The following AOPEP variants were observed in gnomAD, a reference collection of about 807,000 sequenced individuals.
AOPEP encodes the protein aminopeptidase O (putative).
Under a neutral mutation model 98.1 loss-of-function variants are expected in AOPEP, and 77 were observed. The ratio of observed to expected loss-of-function variants is 0.78; its 90% CI spans 0.65 to 0.95. The LOEUF (loss-of-function observed/expected upper bound fraction) is 0.95, where lower values mean the gene tolerates loss of function less well. Ranked by LOEUF, AOPEP falls within the 40% of genes least tolerant of loss-of-function variation. The pLI is 0.00. For missense variants in AOPEP, 1,024 were observed against 1,024.7 expected, an observed-to-expected ratio of 1.00 and a Z score of 0.01; for synonymous variants, 346 against 365.3, an observed-to-expected ratio of 0.95 and a Z score of 0.60.
At chr9:94,879,983 A>G (rs2047379069) in intron 5 of AOPEP, among the ~76,000 whole-genome samples, 1 of 152,224 alleles carries the variant, frequency 6.6e-6, no homozygotes, top group Admixed American at 6.5e-5. Flanking sequence ...TTAACATTGA[A>G]TTTACATTTT....
chr9:95,081,719 C>A (rs981907261), intron 15 of AOPEP, among the ~76,000 whole-genome samples: 2 of 152,174 alleles, frequency 1.3e-5, no homozygotes, highest in Admixed American at 6.5e-5. Flanking sequence ...GACCAGAATT[C>A]ACTGCAGTAT....
Position 94,792,800 on chromosome 9 carries a change from A to G in AOPEP, c.1000A>G (p.Met334Val), listed in dbSNP as rs776783308. Reference sequence around the variant, plus strand: ...CTGGTATTACTATGTAACTATGCCAATGCCAGCCTCCACCTTCACAATTGC... The same window carrying G: ...CTGGTATTACTATGTAACTATGCCAGTGCCAGCCTCCACCTTCACAATTGC... ...SSWYYYVTMPMPASTFTIAVG... is the reference protein window; with the variant it reads ...SSWYYYVTMPVPASTFTIAVG... Residue 334 changes from methionine to valine, a missense_variant, in exon 4 of 17, where the codon ATG becomes GTG. Met to Val is a conservative substitution (Grantham distance 21, BLOSUM62 1). This residue lies in a region of AOPEP where 440 missense variants were observed against 433.8 expected (regional missense o/e 1.01). Coordinates refer to ENST00000375315, the MANE Select transcript of AOPEP (RefSeq NM_001193329.3). The G allele has an allele frequency of 2.1e-5, 34 of 1,613,238 alleles. No individual in the cohort carries two copies. The highest frequency in any genetic ancestry group is 2.9e-5 in the Non-Finnish European group (34 of 1,179,588).
At chr9:95,066,855 T>C (rs1048367593) in intron 14 of AOPEP, among the ~76,000 whole-genome samples, 7 of 152,234 alleles carry the variant, frequency 4.6e-5, no homozygotes, top group Admixed American at 2.6e-4. Flanking sequence ...GTGGAATTAA[T>C]GCATTGGACT....
intron 5 of AOPEP, among the ~76,000 whole-genome samples, chr9:94,820,474 T>C (rs7862700): frequency 0.79 from 119,846 of 152,104 alleles, 48,499 homozygotes; most frequent in Non-Finnish European, 0.89. Flanking sequence ...CTAGATATAA[T>C]ATTAGGCCTT....
the AOPEP span, among the ~76,000 whole-genome samples, chr9:95,108,367 C>G: frequency 1.3e-5 from 2 of 152,224 alleles, no homozygotes; most frequent in East Asian, 3.9e-4. Context: ...TACGGGAGCC[C>G]AAGGCCATTC....
intron 7 of AOPEP, among the ~76,000 whole-genome samples, chr9:94,935,778 C>T (rs2056174135): frequency 6.6e-6 from 1 of 152,212 alleles, no homozygotes; most frequent in Non-Finnish European, 1.5e-5. Context: ...CCAGCAGCCC[C>T]ACTCTCTCTA....
intron 5 of AOPEP, among the ~76,000 whole-genome samples, chr9:94,923,389 T>C (rs1230386305): frequency 1.3e-5 from 2 of 152,208 alleles, no homozygotes; most frequent in Non-Finnish European, 1.5e-5. Flanking sequence ...CTTGCAGATA[T>C]GATGGAAAAG....
rs867602335 is a variant in AOPEP, at chr9:95,082,634, GCT to G, written c.2381_2382del (p.Leu794ArgfsTer3). 3 of 1,614,122 alleles carry G rather than the reference GCT, an allele frequency of 1.9e-6. No individual in the cohort carries two copies. The African/African-American group carries it at 4.0e-5, about 22-fold the overall frequency. ...MVSEDARQQQ[L>X]ARRCFERTKE... ...TGAGTGAGGACGCCAGACAGCAGCA[GCT>G]CGCCCGTAGGTGCTTCGAGCGGACC... On this transcript the variant is annotated frameshift_variant, in exon 16 of 17. Transcript: ENST00000375315. LOFTEE classifies it high-confidence loss of function.
intron 1 of AOPEP, among the ~76,000 whole-genome samples, chr9:94,733,252 G>A (rs776705736): frequency 4.5e-4 from 68 of 151,908 alleles, no homozygotes; most frequent in Admixed American, 1.8e-3. Flanking sequence ...GACTACAGGT[G>A]CGCACCACCA....
the AOPEP span, chr9:95,126,887 T>C: frequency 2.7e-6 from 1 of 366,706 alleles, no homozygotes; most frequent in Non-Finnish European, 5.2e-6. Flanking sequence ...ACTTTAAACA[T>C]CCCTCTGCCC....
chr9:95,005,182 G>T lies in AOPEP; in HGVS notation c.2002G>T (p.Gly668Trp). The T allele has an allele frequency of 1.7e-6, 2 of 1,150,526 alleles. No individual in the cohort carries two copies. The highest frequency in any genetic ancestry group is 2.1e-6 in the Non-Finnish European group (2 of 932,174). 71.3% of individuals were successfully genotyped at this position (1,150,526 alleles called of 1,614,324 possible). Residue 668 changes from glycine (G) to tryptophan (W), a missense_variant, in exon 12 of 17, where the codon GGG (glycine) becomes TGG (tryptophan). By Grantham distance (184) the Gly-to-Trp change is radical (BLOSUM62 -2). Transcript: ENST00000375315. ...GCCGCTGCAGAGGGAGCGTCGCGCC[G>T]GGGCGGAGTGCGGGCTTGCGCGGCA... ...PKPLQRERRA[G>W]AECGLARQVR...
chr9:95,010,658 A>G (rs971157262), intron 13 of AOPEP, among the ~76,000 whole-genome samples: 9 of 152,162 alleles, frequency 5.9e-5, no homozygotes, highest in African/African-American at 2.2e-4. Context: ...TTGATACTTG[A>G]TTTCCATAGA....
chr9:94,945,121 T>C (rs2057475789), intron 7 of AOPEP, among the ~76,000 whole-genome samples: 1 of 151,864 alleles, frequency 6.6e-6, no homozygotes, highest in South Asian at 2.1e-4. Context: ...CTCCATAGGG[T>C]CTGTGATATA....
the AOPEP span, among the ~76,000 whole-genome samples, chr9:95,114,986 G>A: frequency 6.6e-6 from 1 of 152,168 alleles, no homozygotes; most frequent in African/African-American, 2.4e-5. Context: ...TTGGTCAGAG[G>A]CTGGAGTGCA....
chr9:94,780,804 C>T (rs1294584529), intron 3 of AOPEP, among the ~76,000 whole-genome samples: 1 of 152,182 alleles, frequency 6.6e-6, no homozygotes, highest in African/African-American at 2.4e-5. Context: ...ACTGGCAAAG[C>T]GCGACCCAGC....
intron 5 of AOPEP, among the ~76,000 whole-genome samples, chr9:94,853,966 C>T (rs565145889): frequency 1.3e-5 from 2 of 152,108 alleles, no homozygotes; most frequent in Non-Finnish European, 2.9e-5. Flanking sequence ...TTAGCACATG[C>T]GCAGCACTTA....
chr9:94,763,622 A>G (rs1360523723), intron 2 of AOPEP, among the ~76,000 whole-genome samples: 1 of 152,162 alleles, frequency 6.6e-6, no homozygotes, highest in Non-Finnish European at 1.5e-5. Context: ...GACTTCTTGG[A>G]GAAATGTCCA....
chr9:94,732,593 A>G (rs1233908892), intron 1 of AOPEP, among the ~76,000 whole-genome samples: 2 of 152,192 alleles, frequency 1.3e-5, no homozygotes, highest in Non-Finnish European at 2.9e-5. Context: ...CCTTATTCAC[A>G]TACTTAAATA....
At chr9:94,744,139 A>G (rs929991395) in intron 1 of AOPEP, among the ~76,000 whole-genome samples, 2 of 141,094 alleles carry the variant, frequency 1.4e-5, no homozygotes, top group African/African-American at 3.0e-5. Flanking sequence ...TTATGCCTGT[A>G]ATCCAGACTT....
Sources: gnomAD v4.1 joint callset for allele counts (sites outside exome capture counted in the v4.1 genomes callset) on GRCh38, gnomAD v4.1.1 for gene constraint, gnomAD v4.1.1 regional missense constraint, MANE v1.5 for transcripts, NCBI Gene and HGNC (gene_info 2026-07-23, HGNC 2026-07-21) for gene names.